Variants in GON7 observed in about 807,000 individuals in gnomAD.
GON7 encodes the protein GON7 subunit of KEOPS complex, also known as EKC/KEOPS complex subunit GON7.
A neutral mutation model predicts 7.6 loss-of-function variants in GON7; 2 were observed. The ratio of observed to expected loss-of-function variants is 0.26; its 90% CI spans 0.11 to 0.83. The LOEUF (loss-of-function observed/expected upper bound fraction) is 0.83, where lower values mean the gene tolerates loss of function less well. GON7 is among the 40% of genes least tolerant of loss of function. GON7 has a pLI of 0.65. For synonymous variants in GON7, 54 were observed against 56.6 expected (o/e 0.95, Z 0.20); for missense variants, 121 against 132.2 (o/e 0.92, Z 0.42).
rs192133488 is a variant in GON7 at position 93,203,359 on chromosome 14, A to G, written c.*329T>C. ...CTCTTTATAACAGAACCAGAAGTTA[A>G]AAGATGTAGACATCACACAAATCAA... On this transcript the variant is annotated 3_prime_UTR_variant, in exon 2 of 2. Transcript: ENST00000306954. 1.7e-3 allele frequency: 419 copies of G among 241,372 alleles called. No homozygotes were observed. Among genetic ancestry groups the G allele is most frequent in the Non-Finnish European group, 2.4e-3 (305 of 124,698 alleles). The allele number at this position is 241,372 out of a possible 1,614,324, so 15.0% of individuals were successfully genotyped here. A position where few individuals can be genotyped will look rare whatever the true frequency, so the allele number is the denominator to read the frequency against.
At chr14:93,205,582 G>A (rs1470382819) in intron 1 of GON7, among the ~76,000 whole-genome samples, 1 of 151,790 alleles carries the variant, frequency 6.6e-6, no homozygotes, top group Non-Finnish European at 1.5e-5. Context: ...CAGGAGAATC[G>A]CTTGAACCGG....
At chr14:93,206,073 T>C (rs1894335721) in intron 1 of GON7, among the ~76,000 whole-genome samples, 1 of 152,120 alleles carries the variant, frequency 6.6e-6, no homozygotes, top group Admixed American at 6.5e-5. Flanking sequence ...TGGCGCGATC[T>C]CGGCTCACTG....
At chr14:93,205,575 G>A (rs1041633383) in intron 1 of GON7, among the ~76,000 whole-genome samples, 7 of 151,932 alleles carry the variant, frequency 4.6e-5, no homozygotes, top group Admixed American at 4.6e-4. Context: ...GCTGAGACAG[G>A]AGAATCGCTT....
intron 1 of GON7, 31 bp downstream of exon 1, chr14:93,206,799 C>T (rs1022728428): frequency 1.9e-6 from 3 of 1,588,132 alleles, no homozygotes; most frequent in Admixed American, 1.8e-5. Flanking sequence ...GCCCCGTCCT[C>T]CGGTCACTGC....
chr14:93,203,572 G>T lies in GON7; in HGVS notation c.*116C>A. The stretch of plus-strand genomic sequence containing the variant: ...AACCAGTTTTCTCTTTGACAAAATT[G>T]TCCCAGGAGAACAACACAAATGCTT... On this transcript the variant is annotated 3_prime_UTR_variant, in exon 2 of 2. Transcript: ENST00000306954. 2 of 772,682 alleles carry T rather than the reference G, an allele frequency of 2.6e-6. No individual in the cohort carries two copies. The highest frequency in any genetic ancestry group is 4.1e-6 in the Non-Finnish European group (2 of 483,986). 47.9% of individuals were successfully genotyped at this position (772,682 alleles called of 1,614,324 possible). A position where few individuals can be genotyped will look rare whatever the true frequency, so the allele number is the denominator to read the frequency against.
In GON7 at chr14:93,203,720, G is replaced by A. The variant is rs1256382593; in HGVS notation, c.271C>T (p.Pro91Ser). ...GGTGTTTTTGGCCGTTTTGCAGATG[G>A]TCCATCGAAGTTAGTTCTGTTATCA... Reference protein sequence around the residue: ...NIDNRTNFDGPSAKRPKTPS With the variant: ...NIDNRTNFDGSSAKRPKTPS The change falls in exon 2 of 2, where the codon CCA becomes TCA. Residue 91 changes from proline to serine, a missense_variant. Coordinates refer to ENST00000306954, the MANE Select transcript of GON7 (RefSeq NM_032490.5). 2.5e-6 allele frequency: 4 copies of A among 1,613,922 alleles called. No individual in the cohort carries two copies. The highest frequency in any genetic ancestry group is 3.4e-6 in the Non-Finnish European group (4 of 1,180,000).
chr14:93,204,750 A>G (rs750754155), intron 1 of GON7, among the ~76,000 whole-genome samples: 1 of 152,256 alleles, frequency 6.6e-6, no homozygotes, highest in Non-Finnish European at 1.5e-5. Flanking sequence ...TTTATTGCTA[A>G]TAATAGTCCA....
intron 1 of GON7, among the ~76,000 whole-genome samples, chr14:93,206,014 C>CTT (rs899338161): frequency 6.6e-6 from 1 of 150,608 alleles, no homozygotes; most frequent in African/African-American, 2.4e-5. Flanking sequence ...CTTTTTTTTT[C>CTT]TTTTTTTTTG....
Position 93,203,617 on chromosome 14 carries a change from G to A in GON7, c.*71C>T, listed in dbSNP as rs1894289684. 2 of 1,305,240 alleles carry A rather than the reference G, an allele frequency of 1.5e-6. No homozygotes were observed. Among genetic ancestry groups the A allele is most frequent in the African/African-American group, 1.5e-5 (1 of 68,960 alleles). 80.9% of individuals were successfully genotyped at this position (1,305,240 alleles called of 1,614,324 possible). A position where few individuals can be genotyped will look rare whatever the true frequency, so the allele number is the denominator to read the frequency against. ...ATGCTTTTTCCAAATTAGAGCATAA[G>A]TCTTCCTTAAATGTCCTAGTGTGAC... On this transcript the variant is annotated 3_prime_UTR_variant, in exon 2 of 2. Coordinates refer to ENST00000306954, the MANE Select transcript of GON7 (RefSeq NM_032490.5).
At chr14:93,205,337 A>G (rs1385113355) in intron 1 of GON7, among the ~76,000 whole-genome samples, 1 of 152,206 alleles carries the variant, frequency 6.6e-6, no homozygotes, top group Non-Finnish European at 1.5e-5. Context: ...CCTGACTCTA[A>G]TATCTAGTTC....
In GON7 at chr14:93,205,454, G is replaced by C. The variant is rs976341404; in HGVS notation, c.208+1376C>G. ...GGAGGCTGAGGCGGGTGGATCACGAGGTCAGGAGTTCGGGACCAGCCTGGC... is the reference window on the plus strand; with the variant it reads ...GGAGGCTGAGGCGGGTGGATCACGACGTCAGGAGTTCGGGACCAGCCTGGC... On this transcript the variant is annotated intron_variant, in intron 1 of 1. Transcript: ENST00000306954. Among the ~76,000 whole-genome samples the C allele has an allele frequency of 2.0e-5, 3 of 152,286 alleles. No homozygotes were observed. In the East Asian group the frequency reaches 5.8e-4, roughly 29 times the overall value.
chr14:93,203,636 G>C lies in GON7; in HGVS notation c.*52C>G. The C allele has an allele frequency of 7.0e-7, 1 of 1,433,862 alleles. No individual in the cohort carries two copies. The allele number at this position is 1,433,862 out of a possible 1,614,324, so 88.8% of individuals were successfully genotyped here. A position where few individuals can be genotyped will look rare whatever the true frequency, so the allele number is the denominator to read the frequency against. ...GCATAAGTCTTCCTTAAATGTCCTA[G>C]TGTGACAATAAGGATACAACAGCCA... On this transcript the variant is annotated 3_prime_UTR_variant, in exon 2 of 2. Coordinates refer to ENST00000306954, the MANE Select transcript of GON7 (RefSeq NM_032490.5).
chr14:93,206,445 GT>G (rs1252595885), intron 1 of GON7, among the ~76,000 whole-genome samples: 2 of 152,102 alleles, frequency 1.3e-5, no homozygotes, highest in East Asian at 1.9e-4. Context: ...CATTCGACAC[GT>G]TTTTTTGTGA....
At chr14:93,204,401 G>A (rs1325999750) in intron 1 of GON7, among the ~76,000 whole-genome samples, 2 of 152,152 alleles carry the variant, frequency 1.3e-5, no homozygotes, top group African/African-American at 4.8e-5. Flanking sequence ...GAAATGATAT[G>A]CCCATTAGCA....
Position 93,203,333 on chromosome 14 carries a change from A to T in GON7, c.*355T>A. The T allele has an allele frequency of 5.1e-6, 1 of 195,370 alleles. No homozygotes were observed. The highest frequency in any genetic ancestry group is 1.0e-5 in the Non-Finnish European group (1 of 95,756). The allele number at this position is 195,370 out of a possible 1,614,324, so 12.1% of individuals were successfully genotyped here. On this transcript the variant is annotated 3_prime_UTR_variant, in exon 2 of 2. Transcript: ENST00000306954. ...TTACTGCCTATGAACCGTGACATGT[A>T]CTCTTTATAACAGAACCAGAAGTTA...
rs771354582 is a variant in GON7 at position 93,206,893 on chromosome 14, C to G, written c.145G>C (p.Asp49His). 9 of 1,614,050 alleles carry G rather than the reference C, an allele frequency of 5.6e-6. No homozygotes were observed. Among genetic ancestry groups the G allele is most frequent in the Non-Finnish European group, 5.9e-6 (7 of 1,180,046 alleles). The change falls in exon 1 of 2, where the codon GAC becomes CAC. Residue 49 changes from aspartate (D) to histidine (H), a missense_variant. By Grantham distance (81) the Asp-to-His change is moderately conservative. Coordinates refer to ENST00000306954, the MANE Select transcript of GON7 (RefSeq NM_032490.5). ...QMKDMVTELF[D>H]PLVQGEVQHR... ...TGCACTTCCCCCTGTACCAGAGGGTCGAATAATTCCGTTACCATGTCCTTC... is the reference window on the plus strand; with the variant it reads ...TGCACTTCCCCCTGTACCAGAGGGTGGAATAATTCCGTTACCATGTCCTTC...
At chr14:93,203,934 T>TA in intron 1 of GON7, 152 bp from the exon 2 acceptor site, 1 of 579,308 alleles carries the variant, frequency 1.7e-6, no homozygotes, top group East Asian at 2.8e-5. Flanking sequence ...TTTCAGTGTT[T>TA]AAAATCTTTA....
rs553646458 is a variant in GON7 at position 93,206,968 on chromosome 14, G to A, written c.70C>T (p.Pro24Ser). ...PQKLRVSCEAPGDGDPFQGLL... is the reference protein window; with the variant it reads ...PQKLRVSCEASGDGDPFQGLL... ...CCCTGGAAAGGGTCGCCGTCACCCG[G>A]CGCCTCACAGGACACCCGCAGCTTC... The change falls in exon 1 of 2, where the codon CCG (proline) becomes TCG (serine). Residue 24 changes from proline to serine, a missense_variant. Pro to Ser is a moderately conservative substitution (Grantham distance 74). Coordinates refer to ENST00000306954, the MANE Select transcript of GON7 (RefSeq NM_032490.5). 1.2e-6 allele frequency: 2 copies of A among 1,614,100 alleles called. No homozygotes were observed. Among genetic ancestry groups the A allele is most frequent in the Admixed American group, 1.7e-5 (1 of 60,016 alleles).
chr14:93,206,029 G>A (rs1490441612), intron 1 of GON7, among the ~76,000 whole-genome samples: 8 of 151,480 alleles, frequency 5.3e-5, no homozygotes, highest in East Asian at 1.9e-4. Flanking sequence ...TTTTTGAGAC[G>A]GAGTCTCGCT....
Sources: gnomAD v4.1 joint callset for allele counts (sites outside exome capture counted in the v4.1 genomes callset) on GRCh38, gnomAD v4.1.1 for gene constraint, MANE v1.5 for transcripts, NCBI Gene and HGNC (gene_info 2026-07-23, HGNC 2026-07-21) for gene names.